The following DHX57 variants were observed in gnomAD, a reference collection of about 807,000 sequenced individuals.
DHX57 encodes putative ATP-dependent RNA helicase DHX57.
Under a neutral mutation model 156.2 loss-of-function variants are expected in DHX57, and 105 were observed. That is an observed-to-expected ratio of 0.67 (90% confidence interval 0.57 to 0.79). The LOEUF is 0.79. Ranked by LOEUF, DHX57 falls within the 30% of genes least tolerant of loss-of-function variation. The pLI is 0.00. For synonymous variants in DHX57, 704 were observed against 595.6 expected (o/e 1.18, Z -2.65); for missense variants, 1,847 against 1,661.9 (o/e 1.11, Z -1.94).
intron 17 of DHX57, among the ~76,000 whole-genome samples, chr2:38,820,701 A>G (rs918890923): frequency 1.3e-5 from 2 of 152,182 alleles, no homozygotes; most frequent in African/African-American, 4.8e-5. Context: ...AGGGAGCTGG[A>G]CTAAGATATT....
intron 7 of DHX57, among the ~76,000 whole-genome samples, chr2:38,855,819 G>A (rs1458357984): frequency 6.6e-6 from 1 of 152,126 alleles, no homozygotes; most frequent in African/African-American, 2.4e-5. Context: ...AATAAAGGCT[G>A]GGTGTGGTGA....
intron 13 of DHX57, among the ~76,000 whole-genome samples, chr2:38,829,333 G>T (rs1054524376): frequency 6.7e-6 from 1 of 148,552 alleles, no homozygotes; most frequent in Non-Finnish European, 1.5e-5. Context: ...CCAGGCTGAA[G>T]TGCAATGATG....
Position 38,862,305 on chromosome 2 carries a change from C to G in DHX57, c.412G>C (p.Asp138His), listed in dbSNP as rs749761049. Residue 138 changes from aspartate to histidine, a missense_variant, in exon 4 of 24, where the codon GAT becomes CAT. Transcript: ENST00000457308. ...TCATCGTTACAGCAATCAGGCTCATCATCTTCCTCCTCCCCAGAAAGGCCT... is the reference window on the plus strand; with the variant it reads ...TCATCGTTACAGCAATCAGGCTCATGATCTTCCTCCTCCCCAGAAAGGCCT... ...ERGLSGEEED[D>H]EPDCCNDERY... 1.1e-5 allele frequency: 18 copies of G among 1,594,038 alleles called. No individual in the cohort carries two copies. The highest frequency in any genetic ancestry group is 5.1e-5 in the Admixed American group (3 of 58,800).
rs1367444578 is a variant in DHX57, at chr2:38,828,352, C to T, written c.2627G>A (p.Arg876Lys). 3.1e-6 allele frequency: 5 copies of T among 1,611,602 alleles called. No homozygotes were observed. The highest frequency in any genetic ancestry group is 4.2e-6 in the Non-Finnish European group (5 of 1,179,088). Reference sequence around the variant, plus strand: ...GCAATTAGCTTACCGATTACTACGTCTGTTGTTGAAAAGAGAATTAGACTG... The same window carrying T: ...GCAATTAGCTTACCGATTACTACGTTTGTTGTTGAAAAGAGAATTAGACTG... ...QLQSNSLFNN[R>K]RSNRCVIHPL... is the part of the protein sequence containing the mutation. The change falls in exon 14 of 24, where the codon AGA (arginine) becomes AAA (lysine). Residue 876 changes from arginine (R) to lysine (K), a missense_variant. By Grantham distance (26) the Arg-to-Lys change is conservative (BLOSUM62 2). Transcript: ENST00000457308.
At chr2:38,855,034 G>C in intron 8 of DHX57, 23 bp downstream of exon 8, 1 of 1,613,998 alleles carries the variant, frequency 6.2e-7, no homozygotes. Context: ...TCTGTTACCA[G>C]GAAATAAGCA....
chr2:38,854,782 G>A (rs1364712244), intron 8 of DHX57: 4 of 288,126 alleles, frequency 1.4e-5, no homozygotes, highest in South Asian at 7.9e-5. Flanking sequence ...GGCTGGTCTC[G>A]AACTCCCGAC....
intron 13 of DHX57, among the ~76,000 whole-genome samples, chr2:38,828,714 C>A (rs1671232737): frequency 6.7e-6 from 1 of 149,880 alleles, no homozygotes; most frequent in Admixed American, 6.6e-5. Context: ...CAGAGCAAGA[C>A]CCTTTCTCAA....
chr2:38,805,984 A>G (rs925269379), intron 22 of DHX57, among the ~76,000 whole-genome samples: 6 of 152,158 alleles, frequency 3.9e-5, no homozygotes, highest in African/African-American at 9.7e-5. Context: ...ATAAGCTAAT[A>G]AAGGAGATAG....
chr2:38,811,680 C>T (rs1670256890), intron 21 of DHX57: 2 of 1,030,252 alleles, frequency 1.9e-6, no homozygotes, highest in African/African-American at 1.6e-5. Flanking sequence ...AGGTGCAATT[C>T]CTGGTGCCTG....
chr2:38,854,000 G>T, intron 9 of DHX57, 54 bp downstream of exon 9: 1 of 1,503,012 alleles, frequency 6.7e-7, no homozygotes, highest in Non-Finnish European at 8.9e-7. Flanking sequence ...AATTTTTTCT[G>T]CCATGCCTTC....
chr2:38,831,010 G>T (rs1216601780), intron 13 of DHX57, among the ~76,000 whole-genome samples: 1 of 152,030 alleles, frequency 6.6e-6, no homozygotes, highest in Non-Finnish European at 1.5e-5. Context: ...TGGGGCTGCA[G>T]TGACCCGTGA....
intron 11 of DHX57, among the ~76,000 whole-genome samples, chr2:38,846,178 C>T (rs1364662399): frequency 2.0e-5 from 3 of 152,140 alleles, no homozygotes; most frequent in Non-Finnish European, 4.4e-5. Context: ...TAACTGCTAA[C>T]ATTTGAGAGC....
chr2:38,818,570 C>A (rs1670660140), intron 19 of DHX57, among the ~76,000 whole-genome samples: 1 of 151,936 alleles, frequency 6.6e-6, no homozygotes, highest in South Asian at 2.1e-4. Flanking sequence ...GAAAAAGAAT[C>A]CCTGGTGTAA....
intron 11 of DHX57, among the ~76,000 whole-genome samples, chr2:38,845,533 G>A (rs1410580500): frequency 6.6e-6 from 1 of 152,086 alleles, no homozygotes; most frequent in Non-Finnish European, 1.5e-5. Flanking sequence ...AGATATTAGG[G>A]GTGTTTCATT....
intron 9 of DHX57, chr2:38,853,218 T>A (rs1276286416): frequency 1.4e-5 from 1 of 70,802 alleles, no homozygotes; most frequent in Non-Finnish European, 3.4e-5. Flanking sequence ...GCATCACGCC[T>A]GGCTAATTTT....
chr2:38,837,023 CTT>C (rs1671710575), intron 13 of DHX57, among the ~76,000 whole-genome samples: 1 of 151,936 alleles, frequency 6.6e-6, no homozygotes, highest in Admixed American at 6.6e-5. Flanking sequence ...AATTTTTGCA[CTT>C]TTTTGTAGAG....
chr2:38,842,993 G>A lies in DHX57; in HGVS notation c.2425+12C>T. 1.2e-6 allele frequency: 2 copies of A among 1,612,312 alleles called. No homozygotes were observed. The highest frequency in any genetic ancestry group is 1.7e-6 in the Non-Finnish European group (2 of 1,178,382). On this transcript the variant is annotated intron_variant, in intron 12 of 23. Coordinates refer to ENST00000457308, the MANE Select transcript of DHX57 (RefSeq NM_198963.3). ...TGGCATAATTATAATATTCCCCCAA[G>A]AGGCATGTTACCTTTATAGCGGGCC...
chr2:38,868,095 T>A, intron 2 of DHX57, 87 bp downstream of exon 2: 2 of 1,510,802 alleles, frequency 1.3e-6, no homozygotes, highest in Non-Finnish European at 1.8e-6. Context: ...ATTACTCGAC[T>A]TTTTTTCCAT....
At chr2:38,849,350 C>G (rs1474357618) in intron 9 of DHX57, among the ~76,000 whole-genome samples, 2 of 152,196 alleles carry the variant, frequency 1.3e-5, no homozygotes, top group African/African-American at 4.8e-5. Flanking sequence ...CCTAATTGGT[C>G]TCTTGGCCCT....
Sources: allele counts gnomAD v4.1 joint callset (sites outside exome capture counted in the v4.1 genomes callset), GRCh38; gene constraint gnomAD v4.1.1; transcripts MANE v1.5; gene names NCBI Gene and HGNC (gene_info 2026-07-23, HGNC 2026-07-21).